The following CCDC91 variants were observed in gnomAD, a reference collection of about 807,000 sequenced individuals.
The protein encoded by CCDC91 is coiled-coil domain containing 91.
A neutral mutation model predicts 63.2 loss-of-function variants in CCDC91; 48 were observed. The ratio of observed to expected loss-of-function variants is 0.76; its 90% confidence interval spans 0.60 to 0.97. The LOEUF (loss-of-function observed/expected upper bound fraction) is 0.97, where lower values mean the gene tolerates loss of function less well. CCDC91 is among the 50% of genes least tolerant of loss of function. The pLI is 0.00. For synonymous variants in CCDC91, 167 were observed against 165.8 expected, an observed-to-expected ratio of 1.01 and a Z score of -0.06; for missense variants, 500 against 494.6, an observed-to-expected ratio of 1.01 and a Z score of -0.10.
chr12:28,448,126 C>T (rs1035632783), intron 8 of CCDC91, among the ~76,000 whole-genome samples: 1 of 151,954 alleles, frequency 6.6e-6, no homozygotes, highest in Admixed American at 6.6e-5. Flanking sequence ...ATTACTACTA[C>T]CGATAATGAT....
chr12:28,390,451 G>A (rs752969854), intron 7 of CCDC91, among the ~76,000 whole-genome samples: 5 of 152,002 alleles, frequency 3.3e-5, no homozygotes, highest in Admixed American at 2.6e-4. Context: ...TTTATAAATA[G>A]CATGAAAGAT....
chr12:28,455,363 C>T (rs1212376028), intron 11 of CCDC91, among the ~76,000 whole-genome samples: 6 of 152,082 alleles, frequency 3.9e-5, no homozygotes, highest in East Asian at 3.9e-4. Flanking sequence ...AAATTAGTTT[C>T]GTTGCAAGAC....
chr12:28,494,632 A>T (rs1400053732), intron 12 of CCDC91, among the ~76,000 whole-genome samples: 1 of 151,712 alleles, frequency 6.6e-6, no homozygotes, highest in East Asian at 1.9e-4. Flanking sequence ...TGATGGTGAG[A>T]CACTAATGAT....
In CCDC91 at chr12:28,371,756, T is replaced by A. The variant is rs112116874; in HGVS notation, c.654+9241T>A. Among the ~76,000 whole-genome samples the A allele has an allele frequency of 3.9e-3, 597 of 152,322 alleles. 2 individuals are homozygous for A. The highest frequency in any genetic ancestry group is 7.4e-3 in the Admixed American group (113 of 15,298). ...GGATATGGAGGGCCACATTTTTGTATCTGCAGGTTTCACAGGGCCGGAGGC... is the reference window on the plus strand; with the variant it reads ...GGATATGGAGGGCCACATTTTTGTAACTGCAGGTTTCACAGGGCCGGAGGC... On this transcript the variant is annotated intron_variant, in intron 7 of 12. Transcript: ENST00000536442.
At chr12:28,285,118 T>A (rs575134104) in intron 3 of CCDC91, among the ~76,000 whole-genome samples, 1 of 152,282 alleles carries the variant, frequency 6.6e-6, no homozygotes, top group South Asian at 2.1e-4. Context: ...AACTTATTAA[T>A]TGTAAAATGT....
intron 7 of CCDC91, among the ~76,000 whole-genome samples, chr12:28,369,784 C>CA (rs149972316): frequency 2.6e-5 from 4 of 152,360 alleles, no homozygotes; most frequent in African/African-American, 9.6e-5. Context: ...TGTGCACCTG[C>CA]AGTGCCAACA....
intron 12 of CCDC91, among the ~76,000 whole-genome samples, chr12:28,530,212 G>A (rs1199288461): frequency 6.6e-6 from 1 of 152,108 alleles, no homozygotes; most frequent in African/African-American, 2.4e-5. Context: ...AAGCAATAAG[G>A]CTTCTACCTA....
chr12:28,485,252 G>A (rs1180915895), intron 12 of CCDC91, among the ~76,000 whole-genome samples: 3 of 151,488 alleles, frequency 2.0e-5, no homozygotes, highest in East Asian at 1.9e-4. Flanking sequence ...TCTGCCTCCC[G>A]GATTCAAGCA....
At chr12:28,545,223 G>A (rs1276970744) in intron 12 of CCDC91, among the ~76,000 whole-genome samples, 3 of 151,930 alleles carry the variant, frequency 2.0e-5, no homozygotes, top group Admixed American at 6.6e-5. Flanking sequence ...GATTCACTTT[G>A]AAATGAAAGC....
intron 8 of CCDC91, among the ~76,000 whole-genome samples, chr12:28,407,101 T>C (rs1947001020): frequency 6.6e-6 from 1 of 152,152 alleles, no homozygotes; most frequent in South Asian, 2.1e-4. Flanking sequence ...CCACCCCGTG[T>C]CTTGCTCCTG....
At chr12:28,498,785 A>T (rs761352477) in intron 12 of CCDC91, among the ~76,000 whole-genome samples, 1 of 151,678 alleles carries the variant, frequency 6.6e-6, no homozygotes, top group African/African-American at 2.4e-5. Context: ...ACCATCAAAT[A>T]CCTAATATAT....
chr12:28,337,396 A>G (rs886843204), intron 6 of CCDC91, among the ~76,000 whole-genome samples: 6 of 152,166 alleles, frequency 3.9e-5, no homozygotes, highest in African/African-American at 7.2e-5. Flanking sequence ...ACTTTATAAT[A>G]TCTCATCTTA....
intron 12 of CCDC91, among the ~76,000 whole-genome samples, chr12:28,497,379 G>C (rs1412219539): frequency 6.6e-6 from 1 of 151,570 alleles, no homozygotes; most frequent in Admixed American, 6.6e-5. Context: ...CTTGAACAAG[G>C]AGAAATTTCC....
At chr12:28,204,294 C>T (rs1332655371) in intron 1 of CCDC91, among the ~76,000 whole-genome samples, 1 of 152,114 alleles carries the variant, frequency 6.6e-6, no homozygotes, top group East Asian at 1.9e-4. Flanking sequence ...TAATTTATAT[C>T]ACTTTTCTGC....
intron 11 of CCDC91, among the ~76,000 whole-genome samples, chr12:28,476,655 C>T (rs1353150557): frequency 6.6e-6 from 1 of 151,908 alleles, no homozygotes; most frequent in Non-Finnish European, 1.5e-5. Context: ...CACAAAAAAC[C>T]CTTCAAAAAA....
chr12:28,486,417 T>C (rs1415856376), intron 12 of CCDC91, among the ~76,000 whole-genome samples: 2 of 152,168 alleles, frequency 1.3e-5, no homozygotes, highest in African/African-American at 4.8e-5. Context: ...TTTTAGTGTC[T>C]AGTCTTAATA....
intron 7 of CCDC91, among the ~76,000 whole-genome samples, chr12:28,389,139 A>C (rs1945786654): frequency 6.6e-6 from 1 of 152,124 alleles, no homozygotes; most frequent in African/African-American, 2.4e-5. Context: ...AGGAACAGCT[A>C]TTCTTATCTA....
At chr12:28,483,913 G>A (rs1951578346) in intron 11 of CCDC91, 139 bp from the exon 12 acceptor site, 1 of 500,322 alleles carries the variant, frequency 2.0e-6, no homozygotes, top group African/African-American at 2.0e-5. Context: ...GATTCTGTAA[G>A]TTCTTATTCC....
intron 11 of CCDC91, among the ~76,000 whole-genome samples, chr12:28,456,278 G>A (rs1950054278): frequency 6.6e-6 from 1 of 152,120 alleles, no homozygotes; most frequent in African/African-American, 2.4e-5. Context: ...AGTTGGAAAA[G>A]AGCTATGATA....
Sources: allele counts gnomAD v4.1 joint callset (sites outside exome capture counted in the v4.1 genomes callset), GRCh38; gene constraint gnomAD v4.1.1; transcripts MANE v1.5; gene names NCBI Gene and HGNC (gene_info 2026-07-23, HGNC 2026-07-21).